ANKRD26: variants seen among roughly 807,000 people sequenced by gnomAD.
ANKRD26 encodes the protein ankyrin repeat domain 26.
Under a neutral mutation model 208.7 loss-of-function variants are expected in ANKRD26, and 141 were observed. That is an observed-to-expected ratio of 0.68 (90% confidence interval 0.59 to 0.78). ANKRD26 has a LOEUF of 0.78. ANKRD26 is among the 30% of genes least tolerant of loss of function. The pLI is 0.00. For synonymous variants in ANKRD26, 636 were observed against 660.4 expected (o/e 0.96, Z 0.57); for missense variants, 1,889 against 1,938.7 (o/e 0.97, Z 0.48).
At position 27,060,559 on chromosome 10, in the gene ANKRD26, A is replaced by T. The variant is rs1319659071; in HGVS notation, c.1463-19T>A. 6.7e-7 allele frequency: 1 copy of T among 1,484,708 alleles called. No individual in the cohort carries two copies. Among genetic ancestry groups the T allele is most frequent in the Admixed American group, 1.7e-5 (1 of 59,024 alleles). 92.0% of individuals were successfully genotyped at this position (1,484,708 alleles called of 1,614,324 possible). A position where few individuals can be genotyped will look rare whatever the true frequency, so the allele number is the denominator to read the frequency against. ...GGAGACTCTAAAAACCAAAAGGGAC[A>T]TATAATCAATTATACATAAATATGA... On this transcript the variant is annotated intron_variant, in intron 13 of 33. Coordinates refer to ENST00000376087, the MANE Select transcript of ANKRD26 (RefSeq NM_014915.3).
chr10:27,044,143 AT>A lies in ANKRD26; in HGVS notation c.2019+13del. The A allele has an allele frequency of 1.5e-6, 2 of 1,373,666 alleles. No homozygotes were observed. Among genetic ancestry groups the A allele is most frequent in the Non-Finnish European group, 2.0e-6 (2 of 1,011,370 alleles). The allele number at this position is 1,373,666 out of a possible 1,614,324, so 85.1% of individuals were successfully genotyped here. A position where few individuals can be genotyped will look rare whatever the true frequency, so the allele number is the denominator to read the frequency against. On this transcript the variant is annotated intron_variant, in intron 19 of 33. Transcript: ENST00000376087. ...TTTTAAACAATAATTTTGATAATTT[AT>A]TTTTTACAGTACCTTGTTCTTTTCA...
Position 27,052,237 on chromosome 10 carries a change from G to A in ANKRD26, c.1635+1083C>T, listed in dbSNP as rs143244071. The A allele has an allele frequency of 6.8e-4, 635 of 936,042 alleles. No homozygotes were observed. In the African/African-American group the frequency reaches 8.5e-3, roughly 13 times the overall value. 58.0% of individuals were successfully genotyped at this position (936,042 alleles called of 1,614,324 possible). ...TATGTTTAGTTACTCCCAAATCACT[G>A]GATTGTAACTAAGAAGTAAAAACTA... On this transcript the variant is annotated intron_variant, in intron 16 of 33. Transcript: ENST00000376087.
Position 27,064,036 on chromosome 10 carries a change from C to T in ANKRD26, c.1315G>A (p.Gly439Arg). The T allele has an allele frequency of 6.2e-7, 1 of 1,611,616 alleles. No individual in the cohort carries two copies. Among genetic ancestry groups the T allele is most frequent in the Non-Finnish European group, 8.5e-7 (1 of 1,179,692 alleles). Residue 439 changes from glycine to arginine, a missense_variant, in exon 12 of 34, where the codon GGG becomes AGG. Around this residue, in one of 3 missense-constraint regions of ANKRD26, gnomAD observed 1,272 missense variants for 1,273.8 expected, o/e 1.00. Coordinates refer to ENST00000376087, the MANE Select transcript of ANKRD26 (RefSeq NM_014915.3). ...TTTTTTTCTTTTCCGTCTGCAGCCC[C>T]AGCTAAAGGATCAACATACTTCTGT... ...FPQKYVDPLA[G>R]AADGKEKNIG... is the part of the protein sequence containing the mutation.
At chr10:27,071,158 CATTT>C (rs1380631347) in intron 9 of ANKRD26, among the ~76,000 whole-genome samples, 52 of 128,728 alleles carry the variant, frequency 4.0e-4, no homozygotes, top group African/African-American at 1.2e-3. Flanking sequence ...TTGCTACATT[CATTT>C]TTTTTTTTTT....
At chr10:26,966,489 G>A in the ANKRD26 span, among the ~76,000 whole-genome samples, 7 of 152,182 alleles carry the variant, frequency 4.6e-5, no homozygotes, top group Non-Finnish European at 1.0e-4. Context: ...TGACAGGTAG[G>A]GGGTGAGGGG....
chr10:26,971,675 C>CAAAAAAAA (rs1170237211), downstream of ANKRD26, among the ~76,000 whole-genome samples: 2 of 89,432 alleles, frequency 2.2e-5, no homozygotes, highest in African/African-American at 7.5e-5. Flanking sequence ...GACCATGTCT[C>CAAAAAAAA]AAAAAAAAAA....
chr10:27,047,687 GA>G (rs1375228955), intron 17 of ANKRD26, among the ~76,000 whole-genome samples: 5 of 147,388 alleles, frequency 3.4e-5, no homozygotes, highest in Non-Finnish European at 5.9e-5. Flanking sequence ...TTTACCACCA[GA>G]AAAACTGTAA....
rs2054013597 is a variant in ANKRD26 at position 27,035,470 on chromosome 10, T to A, written c.2980A>T (p.Asn994Tyr). 1 of 1,614,030 alleles carries A rather than the reference T, an allele frequency of 6.2e-7. No homozygotes were observed. The highest frequency in any genetic ancestry group is 8.5e-7 in the Non-Finnish European group (1 of 1,179,948). The change falls in exon 24 of 34, where the codon AAT becomes TAT. Residue 994 changes from asparagine (N) to tyrosine (Y), a missense_variant. This residue lies in a region of ANKRD26 where 1,272 missense variants were observed against 1,273.8 expected (regional missense o/e 1.00). Coordinates refer to ENST00000376087, the MANE Select transcript of ANKRD26 (RefSeq NM_014915.3). Reference sequence around the variant, plus strand: ...AGTCTTTCCTTGCTTTGCTTTTCATTCTCCAGTTTAGAATTTAGCATTGCA... The same window carrying A: ...AGTCTTTCCTTGCTTTGCTTTTCATACTCCAGTTTAGAATTTAGCATTGCA... ...ENAMLNSKLE[N>Y]EKQSKERLEA...
At chr10:27,039,420 C>A (rs141613753) in intron 21 of ANKRD26, among the ~76,000 whole-genome samples, 1 of 150,728 alleles carries the variant, frequency 6.6e-6, no homozygotes, top group Non-Finnish European at 1.5e-5. Flanking sequence ...CGCCACTGCA[C>A]TCCAGCCTGG....
At chr10:26,955,436 A>AT in the ANKRD26 span, among the ~76,000 whole-genome samples, 1 of 151,960 alleles carries the variant, frequency 6.6e-6, no homozygotes, top group Non-Finnish European at 1.5e-5. Context: ...CTCAAAAAAA[A>AT]AAATATATAT....
chr10:26,972,416 G>T (rs1186021164), downstream of ANKRD26, among the ~76,000 whole-genome samples: 2 of 152,028 alleles, frequency 1.3e-5, no homozygotes, highest in East Asian at 3.9e-4. Flanking sequence ...TAAGAAATGT[G>T]CAAGATTTAT....
intron 6 of ANKRD26, among the ~76,000 whole-genome samples, chr10:27,082,026 A>G (rs150802253): frequency 0.098 from 14,058 of 143,064 alleles, 2,299 homozygotes; most frequent in African/African-American, 0.34. Context: ...GTGAGCCACC[A>G]CGCCCAGCCC....
intron 17 of ANKRD26, among the ~76,000 whole-genome samples, 161 bp downstream of exon 17, chr10:27,048,640 A>G (rs2054542256): frequency 6.6e-6 from 1 of 152,138 alleles, no homozygotes; most frequent in African/African-American, 2.4e-5. Context: ...AAAAACTGGT[A>G]TCTCATTGTT....
downstream of ANKRD26, among the ~76,000 whole-genome samples, chr10:26,970,327 T>G (rs2134582433): frequency 6.6e-6 from 1 of 152,306 alleles, no homozygotes; most frequent in South Asian, 2.1e-4. Context: ...TGGTTTAGCA[T>G]CACCCTCTTG....
At chr10:27,060,933 A>G (rs2055031745) in intron 13 of ANKRD26, among the ~76,000 whole-genome samples, 1 of 152,216 alleles carries the variant, frequency 6.6e-6, no homozygotes, top group African/African-American at 2.4e-5. Context: ...CATATCTTTA[A>G]TGCAACACAT....
At chr10:27,051,958 A>C (rs1473324350) in intron 16 of ANKRD26, 1 of 985,232 alleles carries the variant, frequency 1.0e-6, no homozygotes, top group African/African-American at 1.7e-5. Context: ...TGTTTGGTCC[A>C]CATTTCTTCA....
chr10:27,043,393 T>TA (rs1349187360), intron 20 of ANKRD26, 33 bp downstream of exon 20: 7 of 1,607,910 alleles, frequency 4.4e-6, no homozygotes, highest in Non-Finnish European at 4.3e-6. Flanking sequence ...ATGGGATACA[T>TA]AAAAAGGCCT....
At chr10:27,051,727 G>A in intron 16 of ANKRD26, 1 of 985,304 alleles carries the variant, frequency 1.0e-6, no homozygotes, top group Non-Finnish European at 1.2e-6. Flanking sequence ...GGCAATGCCT[G>A]GAATAGTACA....
chr10:27,091,072 T>G (rs1318814070), intron 4 of ANKRD26, among the ~76,000 whole-genome samples: 1 of 149,820 alleles, frequency 6.7e-6, no homozygotes, highest in East Asian at 2.0e-4. Context: ...CTCCAGCCCG[T>G]GACAGAGCCA....
Sources: allele counts gnomAD v4.1 joint callset (sites outside exome capture counted in the v4.1 genomes callset), GRCh38; gene constraint gnomAD v4.1.1; regional missense constraint gnomAD v4.1.1; transcripts MANE v1.5; gene names NCBI Gene and HGNC (gene_info 2026-07-23, HGNC 2026-07-21).